Variants in ALG9 observed in about 807,000 individuals in gnomAD.
ALG9 encodes alpha-1,2-mannosyltransferase ALG9.
In ALG9, 55 loss-of-function variants were observed where a neutral mutation model predicts 81.8. The ratio of observed to expected loss-of-function variants is 0.67; its 90% CI spans 0.54 to 0.84. The LOEUF (loss-of-function observed/expected upper bound fraction) is 0.84. Ranked by LOEUF, ALG9 falls within the 40% of genes least tolerant of loss-of-function variation. The pLI, the probability that ALG9 is intolerant of heterozygous loss-of-function variation, is 0.00. For missense variants in ALG9, 629 were observed against 745.0 expected, an observed-to-expected ratio of 0.84 and a Z score of 1.81; for synonymous variants, 278 against 274.3, an observed-to-expected ratio of 1.01 and a Z score of -0.13.
rs1448330861 is a variant in ALG9, at chr11:111,824,139, A to T, written c.1602+12026T>A. On this transcript the variant is annotated intron_variant, in intron 13 of 14. Coordinates refer to ENST00000616540, the MANE Select transcript of ALG9 (RefSeq NM_024740.2). Reference sequence around the variant, plus strand: ...TGATTTCTTCTGTTTTACAATAACAAATTCTGGGTTTCTTTCATAAATCGG... The same window carrying T: ...TGATTTCTTCTGTTTTACAATAACATATTCTGGGTTTCTTTCATAAATCGG... Among the ~76,000 whole-genome samples the T allele has an allele frequency of 2.6e-5, 4 of 152,246 alleles. No homozygotes were observed. The East Asian group carries it at 7.7e-4, about 29-fold the overall frequency.
intron 6 of ALG9, among the ~76,000 whole-genome samples, chr11:111,857,085 C>A (rs1958818914): frequency 6.6e-6 from 1 of 151,854 alleles, no homozygotes; most frequent in Non-Finnish European, 1.5e-5. Context: ...CCAGCCTGGG[C>A]AACAAGAGTG....
Position 111,871,354 on chromosome 11 carries a change from G to T in ALG9, c.129C>A (p.Thr43=), listed in dbSNP as rs1311317470. 4.6e-6 allele frequency: 7 copies of T among 1,524,218 alleles called. No individual in the cohort carries two copies. The highest frequency in any genetic ancestry group is 2.8e-5 in the African/African-American group (2 of 71,842). 94.4% of individuals were successfully genotyped at this position (1,524,218 alleles called of 1,614,324 possible). ...SREAGGAEHR[T]ELSGNKAGQV... ...CCCCTGCCGCGCCGCACACGTACTC[G>T]GTCCGGTGCTCCGCGCCGCCCGCCT... Residue 43 remains threonine, a splice_region_variant and synonymous_variant, in exon 1 of 15, where the codon ACC becomes ACA. Coordinates refer to ENST00000616540, the MANE Select transcript of ALG9 (RefSeq NM_024740.2).
chr11:111,832,803 T>C (rs1194360240), intron 13 of ALG9, among the ~76,000 whole-genome samples: 1 of 152,138 alleles, frequency 6.6e-6, no homozygotes, highest in African/African-American at 2.4e-5. Context: ...CCCAGAGCTT[T>C]GAGAGGGCAA....
Position 111,870,300 on chromosome 11 carries a change from C to T in ALG9, c.202G>A (p.Ala68Thr). The T allele has an allele frequency of 3.7e-6, 6 of 1,607,034 alleles. No homozygotes were observed. Among genetic ancestry groups the T allele is most frequent in the Non-Finnish European group, 2.5e-6 (3 of 1,178,400 alleles). The change falls in exon 2 of 15, where the codon GCA becomes ACA. Residue 68 changes from alanine to threonine, a missense_variant. By Grantham distance (58) the Ala-to-Thr change is moderately conservative (BLOSUM62 0). This residue lies in a region of ALG9 where 344 missense variants were observed against 390.5 expected (regional missense o/e 0.88). Transcript: ENST00000616540. ...GSTAFKCLLS[A>T]RLCAALLSNI... is the part of the protein sequence containing the mutation. ...CTCAGGAGAGCAGCACATAACCTTG[C>T]TGAAAGCAGACACTTGAAAGCAGTA...
the ALG9 span, among the ~76,000 whole-genome samples, chr11:111,772,087 G>A: frequency 6.6e-6 from 1 of 152,306 alleles, no homozygotes; most frequent in Non-Finnish European, 1.5e-5. Context: ...GGATTTCCAA[G>A]GCAAACTTTG....
intron 13 of ALG9, among the ~76,000 whole-genome samples, chr11:111,814,943 T>A (rs1951262355): frequency 6.6e-6 from 1 of 152,192 alleles, no homozygotes; most frequent in Non-Finnish European, 1.5e-5. Flanking sequence ...ACAGAGACAC[T>A]GAGGGTCTTA....
At chr11:111,828,191 C>CA (rs1298255276) in intron 13 of ALG9, among the ~76,000 whole-genome samples, 9 of 149,406 alleles carry the variant, frequency 6.0e-5, no homozygotes, top group Admixed American at 3.3e-4. Context: ...AAGACTCCAT[C>CA]AAAAAAAAAG....
intron 14 of ALG9, among the ~76,000 whole-genome samples, chr11:111,788,037 T>A (rs997476783): frequency 6.6e-6 from 1 of 152,202 alleles, no homozygotes; most frequent in Non-Finnish European, 1.5e-5. Flanking sequence ...TTAAATTCTG[T>A]ATGGAGTATT....
chr11:111,838,485 T>C (rs782163608), intron 10 of ALG9, 86 bp from the exon 11 acceptor site: 9 of 1,263,636 alleles, frequency 7.1e-6, no homozygotes, highest in Admixed American at 2.1e-5. Flanking sequence ...AAAGAGGTTC[T>C]ATTAGGGATC....
intron 8 of ALG9, among the ~76,000 whole-genome samples, chr11:111,852,159 A>T (rs1957930111): frequency 6.6e-6 from 1 of 152,236 alleles, no homozygotes; most frequent in South Asian, 2.1e-4. Context: ...AGGAGTACAG[A>T]TAGATATAAT....
rs113143545 is a variant in ALG9 at position 111,812,466 on chromosome 11, T to C, written c.1603-2693A>G. Among the ~76,000 whole-genome samples, 84 of 152,072 alleles carry C rather than the reference T, an allele frequency of 5.5e-4. 1 individual carries two copies. The Middle Eastern group carries it at 0.01, about 18-fold the overall frequency. Reference sequence around the variant, plus strand: ...CCAATAGTCCTAGCTACTCAGGAGATTGAGGCAGGAAAATTGCTTGAGCCC... The same window carrying C: ...CCAATAGTCCTAGCTACTCAGGAGACTGAGGCAGGAAAATTGCTTGAGCCC... On this transcript the variant is annotated intron_variant, in intron 13 of 14. Transcript: ENST00000616540.
intron 3 of ALG9, among the ~76,000 whole-genome samples, chr11:111,865,547 T>C (rs1254342991): frequency 6.6e-6 from 1 of 152,212 alleles, no homozygotes; most frequent in Non-Finnish European, 1.5e-5. Context: ...AATGATTAAA[T>C]AAACTAGGCT....
chr11:111,861,487 C>T lies in ALG9; in HGVS notation c.477-852G>A, dbSNP rs138151131. Among the ~76,000 whole-genome samples, 96 of 152,232 alleles carry T rather than the reference C, an allele frequency of 6.3e-4. 1 individual carries two copies. Among genetic ancestry groups the T allele is most frequent in the African/African-American group, 2.2e-3 (93 of 41,550 alleles). On this transcript the variant is annotated intron_variant, in intron 4 of 14. Transcript: ENST00000616540. Reference sequence around the variant, plus strand: ...CTTTCTTCCCCTCCTCCTCCCACTCCGAGATAGAGTCATACTCTCTGTCGC... The same window carrying T: ...CTTTCTTCCCCTCCTCCTCCCACTCTGAGATAGAGTCATACTCTCTGTCGC...
Position 111,838,349 on chromosome 11 carries a change from A to G in ALG9, c.1224T>C (p.Tyr408=), listed in dbSNP as rs1555119860. The G allele has an allele frequency of 5.6e-6, 9 of 1,613,738 alleles. No homozygotes were observed. Among genetic ancestry groups the G allele is most frequent in the Non-Finnish European group, 7.6e-6 (9 of 1,179,700 alleles). ...QKCYHFVFQR[Y]RLEHYTVTSN... is the part of the protein sequence containing the mutation. The stretch of plus-strand genomic sequence containing the variant: ...ATGTCACAGTATAGTGCTCCAGGCG[A>G]TATCGTTGAAACACAAAGTGGTAAC... The change falls in exon 11 of 15, where the codon TAT becomes TAC. Residue 408 remains tyrosine (Y), a synonymous_variant. Transcript: ENST00000616540.
chr11:111,771,125 T>A, the ALG9 span: 5 of 152,362 alleles, frequency 3.3e-5, no homozygotes, highest in Non-Finnish European at 7.3e-5. Context: ...GCTCTCAAAG[T>A]CACATCAGAA....
intron 10 of ALG9, among the ~76,000 whole-genome samples, 166 bp downstream of exon 10, chr11:111,840,489 C>T (rs907763660): frequency 1.3e-5 from 2 of 152,070 alleles, no homozygotes; most frequent in African/African-American, 2.4e-5. Context: ...TGGTAAACAG[C>T]TAAGCAATCA....
chr11:111,788,179 G>A (rs1336781412), intron 14 of ALG9, among the ~76,000 whole-genome samples: 2 of 152,126 alleles, frequency 1.3e-5, no homozygotes, highest in East Asian at 3.9e-4. Flanking sequence ...TCATGTCAAC[G>A]TGGCATTTGT....
intron 13 of ALG9, among the ~76,000 whole-genome samples, chr11:111,811,759 T>A (rs1950747146): frequency 6.6e-6 from 1 of 152,104 alleles, no homozygotes; most frequent in African/African-American, 2.4e-5. Context: ...AGGCCACATA[T>A]ATACGATTCC....
At chr11:111,862,071 T>C (rs771136892) in intron 4 of ALG9, among the ~76,000 whole-genome samples, 2 of 152,126 alleles carry the variant, frequency 1.3e-5, no homozygotes, top group Admixed American at 6.5e-5. Context: ...TGGGATATGT[T>C]AGGTTTACTA....
Sources: gnomAD v4.1 joint callset for allele counts (sites outside exome capture counted in the v4.1 genomes callset) on GRCh38, gnomAD v4.1.1 for gene constraint, gnomAD v4.1.1 regional missense constraint, MANE v1.5 for transcripts, NCBI Gene and HGNC (gene_info 2026-07-23, HGNC 2026-07-21) for gene names.